Variants in TBC1D32 observed in about 807,000 individuals in gnomAD.
TBC1D32 encodes TBC1 domain family member 32.
In TBC1D32, 151 loss-of-function variants were observed where a neutral mutation model predicts 170.3. The ratio of observed to expected loss-of-function variants is 0.89; its 90% CI spans 0.78 to 1.01. The LOEUF is 1.01. Among genes scored for constraint, TBC1D32 ranks in the 50% least tolerant of loss-of-function variants. The pLI, the probability that TBC1D32 is intolerant of heterozygous loss-of-function variation, is 0.00. For missense variants in TBC1D32, 1,464 were observed against 1,457.1 expected (o/e 1.00, Z -0.08); for synonymous variants, 498 against 488.0 (o/e 1.02, Z -0.27).
intron 21 of TBC1D32, among the ~76,000 whole-genome samples, chr6:121,206,024 A>G (rs571170206): frequency 1.3e-5 from 2 of 152,200 alleles, no homozygotes; most frequent in South Asian, 4.1e-4. Flanking sequence ...AGCCTGGCCA[A>G]CATGGTGAAA....
intron 22 of TBC1D32, among the ~76,000 whole-genome samples, chr6:121,200,380 G>A (rs1376045114): frequency 6.6e-6 from 1 of 151,304 alleles, no homozygotes; most frequent in East Asian, 1.9e-4. Flanking sequence ...AATGTTAAAT[G>A]ATGATATAAT....
chr6:121,089,307 T>A (rs1776565968), intron 31 of TBC1D32, among the ~76,000 whole-genome samples: 1 of 152,024 alleles, frequency 6.6e-6, no homozygotes, highest in Non-Finnish European at 1.5e-5. Flanking sequence ...AAAACACATA[T>A]AAAATAATTT....
intron 24 of TBC1D32, among the ~76,000 whole-genome samples, chr6:121,158,637 G>GT (rs1417322838): frequency 6.6e-6 from 1 of 152,136 alleles, no homozygotes; most frequent in Non-Finnish European, 1.5e-5. Context: ...GGTAAGTTGA[G>GT]TATACTCAGT....
intron 22 of TBC1D32, among the ~76,000 whole-genome samples, chr6:121,171,061 T>A (rs546534930): frequency 1.8e-4 from 27 of 152,004 alleles, no homozygotes; most frequent in Non-Finnish European, 2.9e-4. Context: ...CCTATTATAA[T>A]GCAAGAGGAC....
At chr6:121,248,685 C>A (rs1428812144) in intron 17 of TBC1D32, among the ~76,000 whole-genome samples, 1 of 151,520 alleles carries the variant, frequency 6.6e-6, no homozygotes, top group Non-Finnish European at 1.5e-5. Flanking sequence ...CCTTTATGTG[C>A]ACAAACTAGA....
intron 24 of TBC1D32, among the ~76,000 whole-genome samples, chr6:121,155,071 A>C (rs1471001005): frequency 1.3e-5 from 2 of 152,230 alleles, no homozygotes; most frequent in East Asian, 3.8e-4. Context: ...GATAGCACTG[A>C]ATCTATAAAT....
Position 121,242,268 on chromosome 6 carries a change from A to C in TBC1D32, c.2090T>G (p.Leu697Arg). The C allele has an allele frequency of 1.2e-6, 2 of 1,612,852 alleles. No individual in the cohort carries two copies. Among genetic ancestry groups the C allele is most frequent in the Non-Finnish European group, 1.7e-6 (2 of 1,179,288 alleles). The change falls in exon 18 of 32, where the codon CTT becomes CGT. Residue 697 changes from leucine to arginine, a missense_variant. Leu to Arg is a moderately radical substitution (Grantham distance 102). Coordinates refer to ENST00000398212, the MANE Select transcript of TBC1D32 (RefSeq NM_152730.6). ...TTCATTGATAGCACCTGTTCTTTGA[A>C]GAAGTAGTAATCCTTTGGGGGTGGC... is the stretch of plus-strand genomic sequence containing the variant. ...FAATPKGLLL[L>R]QRTGAINECV... is the part of the protein sequence containing the mutation.
chr6:121,146,638 C>T (rs546795941), intron 24 of TBC1D32, among the ~76,000 whole-genome samples: 11 of 152,258 alleles, frequency 7.2e-5, no homozygotes, highest in Admixed American at 1.3e-4. Context: ...AGTACATTCA[C>T]GCCTAAGTCA....
At chr6:121,297,850 A>G (rs1430663307) in intron 10 of TBC1D32, among the ~76,000 whole-genome samples, 1 of 152,120 alleles carries the variant, frequency 6.6e-6, no homozygotes, top group Non-Finnish European at 1.5e-5. Context: ...TGTGGTTACC[A>G]TATTGTACAA....
At chr6:121,274,606 C>G (rs941765751) in intron 15 of TBC1D32, among the ~76,000 whole-genome samples, 3 of 151,234 alleles carry the variant, frequency 2.0e-5, no homozygotes, top group Non-Finnish European at 4.4e-5. Flanking sequence ...TATTATGTGT[C>G]AATTTAAAAA....
In TBC1D32 at chr6:121,328,275, T is replaced by C. The variant is rs138745670; in HGVS notation, c.155+6001A>G. Among the ~76,000 whole-genome samples, 217 of 151,946 alleles carry C rather than the reference T, an allele frequency of 1.4e-3. 3 individuals carry two copies. The East Asian group carries it at 0.031, about 22-fold the overall frequency. ...TCTAACTGGTTTTTCTAGTTTTTTATTTTTTATTTATTTATTTATTTATTT... is the reference window on the plus strand; with the variant it reads ...TCTAACTGGTTTTTCTAGTTTTTTACTTTTTATTTATTTATTTATTTATTT... On this transcript the variant is annotated intron_variant, in intron 1 of 31. Coordinates refer to ENST00000398212, the MANE Select transcript of TBC1D32 (RefSeq NM_152730.6).
Position 121,317,481 on chromosome 6 carries a change from A to G in TBC1D32, c.495+14T>C, listed in dbSNP as rs982658509. On this transcript the variant is annotated intron_variant, in intron 3 of 31. Coordinates refer to ENST00000398212, the MANE Select transcript of TBC1D32 (RefSeq NM_152730.6). Reference sequence around the variant, plus strand: ...CAGCATTTCAAGACATAAATGCAAAACTGAACAACACACCTGATTCAATGA... The same window carrying G: ...CAGCATTTCAAGACATAAATGCAAAGCTGAACAACACACCTGATTCAATGA... The G allele has an allele frequency of 3.2e-6, 5 of 1,539,368 alleles. No homozygotes were observed. Among genetic ancestry groups the G allele is most frequent in the Non-Finnish European group, 2.6e-6 (3 of 1,144,186 alleles).
chr6:121,097,898 A>C (rs1777604563), intron 30 of TBC1D32, among the ~76,000 whole-genome samples: 1 of 152,078 alleles, frequency 6.6e-6, no homozygotes, highest in Admixed American at 6.6e-5. Flanking sequence ...CTTTGTAGGG[A>C]CATGGATGAA....
At chr6:121,091,179 G>C (rs1364342306) in intron 30 of TBC1D32, 138 bp from the exon 31 acceptor site, 11 of 723,644 alleles carry the variant, frequency 1.5e-5, no homozygotes, top group Non-Finnish European at 2.4e-5. Context: ...AGTCTTCATA[G>C]ATGCCTAAAA....
At chr6:121,116,765 T>C (rs1183060743) in intron 26 of TBC1D32, among the ~76,000 whole-genome samples, 3 of 152,210 alleles carry the variant, frequency 2.0e-5, no homozygotes, top group Non-Finnish European at 4.4e-5. Flanking sequence ...TGTTAAATAG[T>C]TCTTCCCTGT....
chr6:121,247,412 G>GA (rs148454343), intron 17 of TBC1D32, among the ~76,000 whole-genome samples: 13 of 144,398 alleles, frequency 9.0e-5, no homozygotes, highest in East Asian at 4.0e-4. Context: ...ATAACACAAT[G>GA]AAAAAAAAAA....
intron 17 of TBC1D32, among the ~76,000 whole-genome samples, chr6:121,248,978 C>T (rs1028806305): frequency 3.3e-5 from 5 of 151,810 alleles, no homozygotes; most frequent in Non-Finnish European, 7.4e-5. Flanking sequence ...AATACCAAAA[C>T]ACAAAAGGAC....
In TBC1D32 at chr6:121,205,099, T is replaced by C; in HGVS notation, c.2546A>G (p.Glu849Gly). 6.5e-7 allele frequency: 1 copy of C among 1,531,054 alleles called. No homozygotes were observed. 94.8% of individuals were successfully genotyped at this position (1,531,054 alleles called of 1,614,324 possible). A position where few individuals can be genotyped will look rare whatever the true frequency, so the allele number is the denominator to read the frequency against. Reference sequence around the variant, plus strand: ...CCTTAGACCAAAGATATGTGATTGTTCATAGTTGAATAAAGAACGAATCTT... The same window carrying C: ...CCTTAGACCAAAGATATGTGATTGTCCATAGTTGAATAAAGAACGAATCTT... Reference protein sequence around the residue: ...EAKIRSLFNYEQSHIFGLRDF... With the variant: ...EAKIRSLFNYGQSHIFGLRDF... The change falls in exon 22 of 32, where the codon GAA becomes GGA. Residue 849 changes from glutamate (E) to glycine (G), a missense_variant. Glu to Gly is a moderately conservative substitution (Grantham distance 98, BLOSUM62 -2). This residue lies in a region of TBC1D32 where 1,363 missense variants were observed against 1,338.1 expected (regional missense o/e 1.02). Coordinates refer to ENST00000398212, the MANE Select transcript of TBC1D32 (RefSeq NM_152730.6).
chr6:121,189,729 C>T (rs1056927982), intron 22 of TBC1D32, among the ~76,000 whole-genome samples: 3 of 151,916 alleles, frequency 2.0e-5, no homozygotes, highest in African/African-American at 4.8e-5. Flanking sequence ...CTAGCATAAC[C>T]TAGTTATAAT....
Sources: allele counts gnomAD v4.1 joint callset (sites outside exome capture counted in the v4.1 genomes callset), GRCh38; gene constraint gnomAD v4.1.1; regional missense constraint gnomAD v4.1.1; transcripts MANE v1.5; gene names NCBI Gene and HGNC (gene_info 2026-07-23, HGNC 2026-07-21).